The following PHLDB2 variants were observed in gnomAD, a reference collection of about 807,000 sequenced individuals.
PHLDB2 encodes pleckstrin homology like domain family B member 2.
A neutral mutation model predicts 123.6 loss-of-function variants in PHLDB2; 71 were observed. The observed-to-expected ratio is 0.57, with a 90% CI of 0.47 to 0.70. The LOEUF (loss-of-function observed/expected upper bound fraction) is 0.70. Ranked by LOEUF, PHLDB2 falls within the 30% of genes least tolerant of loss-of-function variation. PHLDB2 has a pLI of 0.00. For synonymous variants in PHLDB2, 547 were observed against 541.6 expected, an observed-to-expected ratio of 1.01 and a Z score of -0.14; for missense variants, 1,446 against 1,519.5, an observed-to-expected ratio of 0.95 and a Z score of 0.80.
chr3:111,782,877 CAT>C (rs1368926655), intron 1 of PHLDB2, among the ~76,000 whole-genome samples: 1 of 152,044 alleles, frequency 6.6e-6, no homozygotes, highest in Admixed American at 6.6e-5. Flanking sequence ...TATTTTTAGA[CAT>C]AGTGTCTTCT....
upstream of PHLDB2, among the ~76,000 whole-genome samples, chr3:111,857,079 A>T (rs1040706626): frequency 6.6e-6 from 1 of 152,114 alleles, no homozygotes; most frequent in African/African-American, 2.4e-5. Context: ...CAATTAGAAC[A>T]AAGGCCCTGA....
At chr3:111,888,386 C>G (rs2066295473) in intron 2 of PHLDB2, among the ~76,000 whole-genome samples, 1 of 151,926 alleles carries the variant, frequency 6.6e-6, no homozygotes. Flanking sequence ...TATTTAGGGT[C>G]TGCCTGATCT....
chr3:111,786,949 A>T (rs1257936863), intron 1 of PHLDB2, among the ~76,000 whole-genome samples: 1 of 152,204 alleles, frequency 6.6e-6, no homozygotes. Flanking sequence ...ACCAGAGGTT[A>T]AATCCAAGGT....
At chr3:111,844,732 C>T (rs1202632431) in intron 1 of PHLDB2, among the ~76,000 whole-genome samples, 1 of 152,136 alleles carries the variant, frequency 6.6e-6, no homozygotes, top group African/African-American at 2.4e-5. Flanking sequence ...TGATTGTCCC[C>T]TTATTAGGTA....
At chr3:111,938,159 C>G (rs1232654789) in intron 6 of PHLDB2, among the ~76,000 whole-genome samples, 1 of 152,062 alleles carries the variant, frequency 6.6e-6, no homozygotes, top group Non-Finnish European at 1.5e-5. Flanking sequence ...CTCATAGAAC[C>G]CTGGCTTTAA....
intron 12 of PHLDB2, chr3:111,958,632 T>A: frequency 6.8e-6 from 3 of 440,912 alleles, no homozygotes; most frequent in South Asian, 4.9e-5. Flanking sequence ...GAAACAAGCC[T>A]CAATTAGGTC....
intron 1 of PHLDB2, among the ~76,000 whole-genome samples, chr3:111,803,534 G>A (rs1331203490): frequency 6.6e-6 from 1 of 152,056 alleles, no homozygotes; most frequent in Non-Finnish European, 1.5e-5. Context: ...CCTGACTCAG[G>A]CATTTGAGTC....
intron 2 of PHLDB2, among the ~76,000 whole-genome samples, chr3:111,848,212 G>A (rs1037794506): frequency 1.6e-4 from 25 of 152,082 alleles, no homozygotes; most frequent in Admixed American, 6.6e-4. Flanking sequence ...AAGTAATTGA[G>A]AATCTATCAT....
At position 111,736,953 on chromosome 3, in the gene PHLDB2, G is replaced by C. The variant is rs529000780; in HGVS notation, c.-49+4250G>C. On this transcript the variant is annotated intron_variant, in intron 1 of 17. Coordinates refer to the PHLDB2 transcript ENST00000393923. The stretch of plus-strand genomic sequence containing the variant: ...CTAGAGAACGGTATACATGAGTAGG[G>C]ACTAGAGACCCCACAGTGTCTTGAG... 2.7e-4 allele frequency among the ~76,000 whole-genome samples: 41 copies of C among 152,300 alleles called. No individual in the cohort carries two copies. The South Asian group carries it at 7.7e-3, about 28-fold the overall frequency.
At chr3:111,912,401 TA>T (rs2107501345) in intron 2 of PHLDB2, among the ~76,000 whole-genome samples, 1 of 152,338 alleles carries the variant, frequency 6.6e-6, no homozygotes, top group Admixed American at 6.5e-5. Flanking sequence ...ATTTTCTAGC[TA>T]AATTAATCAA....
At chr3:111,870,297 G>A (rs1295895487) in intron 1 of PHLDB2, among the ~76,000 whole-genome samples, 1 of 152,138 alleles carries the variant, frequency 6.6e-6, no homozygotes, top group Non-Finnish European at 1.5e-5. Flanking sequence ...GGGATATGTG[G>A]ACAGGTGAGG....
intron 5 of PHLDB2, among the ~76,000 whole-genome samples, chr3:111,931,133 A>G (rs2107568942): frequency 6.6e-6 from 1 of 152,292 alleles, no homozygotes; most frequent in African/African-American, 2.4e-5. Context: ...CTTAGAAGCT[A>G]GTTTTGTTCC....
At chr3:111,854,814 T>C (rs536275903), upstream of PHLDB2, among the ~76,000 whole-genome samples, 6 of 152,318 alleles carry the variant, frequency 3.9e-5, no homozygotes, top group East Asian at 7.7e-4. Context: ...ACAGAAGCCA[T>C]GTCCCCAGTG....
At chr3:111,859,676 G>C in intron 1 of PHLDB2, 100 bp downstream of exon 1, 1 of 985,366 alleles carries the variant, frequency 1.0e-6, no homozygotes, top group Non-Finnish European at 1.2e-6. Flanking sequence ...GGCCGAGTTG[G>C]TTGCCGCCGG....
intron 2 of PHLDB2, among the ~76,000 whole-genome samples, chr3:111,899,010 G>A (rs1326446883): frequency 2.6e-5 from 4 of 152,150 alleles, no homozygotes; most frequent in African/African-American, 4.8e-5. Context: ...TAATGGCATC[G>A]AAACTGGTGA....
chr3:111,859,496 C>T lies in PHLDB2; in HGVS notation c.-95C>T. 8.1e-6 allele frequency: 8 copies of T among 985,606 alleles called. No individual in the cohort carries two copies. Among genetic ancestry groups the T allele is most frequent in the Non-Finnish European group, 9.6e-6 (8 of 830,048 alleles). 61.1% of individuals were successfully genotyped at this position (985,606 alleles called of 1,614,324 possible). On this transcript the variant is annotated 5_prime_UTR_variant, in exon 1 of 18. In the 5' UTR this introduces an upstream ATG that the reference lacks. Coordinates refer to ENST00000431670, the MANE Select transcript of PHLDB2 (RefSeq NM_001134438.2). Reference sequence around the variant, plus strand: ...CCATTGCGGCCCGAGGGGGACCCGACGGGGGCCCGACGGTGTGGCGTGGCG... The same window carrying T: ...CCATTGCGGCCCGAGGGGGACCCGATGGGGGCCCGACGGTGTGGCGTGGCG...
At chr3:111,830,411 A>G (rs1456048261) in intron 1 of PHLDB2, among the ~76,000 whole-genome samples, 1 of 151,184 alleles carries the variant, frequency 6.6e-6, no homozygotes, top group Non-Finnish European at 1.5e-5. Flanking sequence ...GAGATATCAT[A>G]TGGCTTGATA....
At position 111,969,904 on chromosome 3, in the gene PHLDB2, A is replaced by G; in HGVS notation, c.3530A>G (p.Tyr1177Cys). The G allele has an allele frequency of 6.2e-7, 1 of 1,613,686 alleles. No homozygotes were observed. Among genetic ancestry groups the G allele is most frequent in the East Asian group, 2.2e-5 (1 of 44,882 alleles). Reference sequence around the variant, plus strand: ...CGGAACAAGCGAACATTCTCTTATTATGCAGGTGGGTGATAAAAACAATTT... The same window carrying G: ...CGGAACAAGCGAACATTCTCTTATTGTGCAGGTGGGTGATAAAAACAATTT... ...FDRNKRTFSYYADKHETKLKG... is the reference protein window; with the variant it reads ...FDRNKRTFSYCADKHETKLKG... Residue 1177 changes from tyrosine to cysteine, a missense_variant, in exon 16 of 18, where the codon TAT (tyrosine) becomes TGT (cysteine). This residue lies in a region of PHLDB2 where 594 missense variants were observed against 646.0 expected (regional missense o/e 0.92). Transcript: ENST00000431670.
chr3:111,821,388 T>C (rs1164105018), intron 1 of PHLDB2, among the ~76,000 whole-genome samples: 2 of 152,128 alleles, frequency 1.3e-5, no homozygotes, highest in African/African-American at 4.8e-5. Flanking sequence ...CAGAGAGAGA[T>C]TTATTTTAAG....
Sources: allele counts gnomAD v4.1 joint callset (sites outside exome capture counted in the v4.1 genomes callset), GRCh38; gene constraint gnomAD v4.1.1; regional missense constraint gnomAD v4.1.1; transcripts MANE v1.5; gene names NCBI Gene and HGNC (gene_info 2026-07-23, HGNC 2026-07-21).